THAP4: variants seen among roughly 807,000 people sequenced by gnomAD.
The protein encoded by THAP4 is THAP domain containing 4, also known as peroxynitrite isomerase THAP4.
A neutral mutation model predicts 48.1 loss-of-function variants in THAP4; 18 were observed. That is an observed-to-expected ratio of 0.37 (90% CI 0.26 to 0.56). The LOEUF (loss-of-function observed/expected upper bound fraction) is 0.56. THAP4 is among the 20% of genes least tolerant of loss of function. The pLI, the probability that THAP4 is intolerant of heterozygous loss-of-function variation, is 0.78. For synonymous variants in THAP4, 345 were observed against 324.9 expected (o/e 1.06, Z -0.66); for missense variants, 656 against 774.9 (o/e 0.85, Z 1.82).
intron 2 of THAP4, among the ~76,000 whole-genome samples, chr2:241,613,760 C>T (rs1167385405): frequency 6.6e-6 from 1 of 151,454 alleles, no homozygotes; most frequent in Non-Finnish European, 1.5e-5. Context: ...GTCTCAGAAA[C>T]AAAACAAAAA....
In THAP4 at chr2:241,637,052, G is replaced by T; in HGVS notation, c.-35C>A. 2.6e-6 allele frequency: 3 copies of T among 1,151,708 alleles called. No homozygotes were observed. The highest frequency in any genetic ancestry group is 3.2e-6 in the Non-Finnish European group (3 of 925,352). The allele number at this position is 1,151,708 out of a possible 1,614,324, so 71.3% of individuals were successfully genotyped here. ...TGGCCCAGCCGCGCAGCCAGGCCCC[G>T]GCCCTAGCCGCCCGCCCGCCCGCGG... On this transcript the variant is annotated 5_prime_UTR_variant, in exon 1 of 6. Coordinates refer to ENST00000407315, the MANE Select transcript of THAP4 (RefSeq NM_015963.6).
chr2:241,630,286 G>A (rs1024300479), intron 2 of THAP4, among the ~76,000 whole-genome samples: 4 of 152,172 alleles, frequency 2.6e-5, no homozygotes, highest in Non-Finnish European at 5.9e-5. Flanking sequence ...GAACAGCAGA[G>A]CCACAGCCTC....
At chr2:241,603,193 C>T (rs1413052314) in intron 3 of THAP4, 114 bp from the exon 4 acceptor site, 18 of 761,442 alleles carry the variant, frequency 2.4e-5, no homozygotes, top group Middle Eastern at 2.8e-4. Flanking sequence ...CAGCCACACC[C>T]GCACACCTGT....
chr2:241,637,466 C>T (rs868646923), upstream of THAP4: 58 of 1,460,878 alleles, frequency 4.0e-5, 2 homozygotes, highest in Middle Eastern at 7.7e-3. Flanking sequence ...ACACAGTGTC[C>T]CGTCGGACAG....
intron 5 of THAP4, among the ~76,000 whole-genome samples, chr2:241,585,389 TG>T (rs555226996): frequency 5.9e-5 from 5 of 85,086 alleles, no homozygotes; most frequent in Non-Finnish European, 1.2e-4. Flanking sequence ...CCCAGATGTG[TG>T]GGGGGTCATG....
In THAP4 at chr2:241,633,941, C is replaced by G. The variant is rs1187183123; in HGVS notation, c.216G>C (p.Gln72His). The G allele has an allele frequency of 1.2e-6, 2 of 1,614,148 alleles. No homozygotes were observed. ...CGGCCGTGGGCTTCAGCAGGCGATG[C>G]TGGTCCTCCAGCCTCTTGGAGAAGC... ...KDSFSKRLED[Q>H]HRLLKPTAVP... Residue 72 changes from glutamine (Q) to histidine (H), a missense_variant, in exon 2 of 6, where the codon CAG (glutamine) becomes CAC (histidine). Transcript: ENST00000407315. This position sits in a 1 kb window ranked among gnomAD's most constrained non-coding sequence, Gnocchi z 7.5.
At chr2:241,605,864 T>C (rs983234787) in intron 3 of THAP4, among the ~76,000 whole-genome samples, 5 of 151,990 alleles carry the variant, frequency 3.3e-5, no homozygotes, top group African/African-American at 1.2e-4. Context: ...ACTACAGGCA[T>C]GTGTCACCAC....
At chr2:241,627,808 G>A (rs1259638329) in intron 2 of THAP4, among the ~76,000 whole-genome samples, 1 of 152,092 alleles carries the variant, frequency 6.6e-6, no homozygotes, top group African/African-American at 2.4e-5. Flanking sequence ...TGCCACCCCT[G>A]TGCCCACACC....
chr2:241,633,131 G>C lies in THAP4; in HGVS notation c.1026C>G (p.Ile342Met). 6.2e-7 allele frequency: 1 copy of C among 1,612,166 alleles called. No individual in the cohort carries two copies. Among genetic ancestry groups the C allele is most frequent in the Non-Finnish European group, 8.5e-7 (1 of 1,178,976 alleles). The change falls in exon 2 of 6, where the codon ATC (isoleucine) becomes ATG (methionine). Residue 342 changes from isoleucine to methionine, a missense_variant. Coordinates refer to ENST00000407315, the MANE Select transcript of THAP4 (RefSeq NM_015963.6). The surrounding 1 kb of genome is among the most constrained non-coding windows in gnomAD (Gnocchi z 7.5). ...ILSASGACKL[I>M]DSLHSYCFSS... ...AGAAGCAGTAGGAGTGCAGTGAGTC[G>C]ATGAGCTTGCAGGCCCCTGACGCCG...
At chr2:241,619,229 A>G (rs1371121833) in intron 2 of THAP4, among the ~76,000 whole-genome samples, 1 of 152,014 alleles carries the variant, frequency 6.6e-6, no homozygotes, top group East Asian at 1.9e-4. Flanking sequence ...AAACAAGGAC[A>G]CTCGAGGAAT....
chr2:241,603,175 G>A, intron 3 of THAP4, 96 bp from the exon 4 acceptor site: 1 of 954,872 alleles, frequency 1.0e-6, no homozygotes. Flanking sequence ...CCCTCCAGGT[G>A]GCTGCTCCAG....
rs1384455063 is a variant in THAP4 at position 241,607,571 on chromosome 2, C to G, written c.1241-1098G>C. 5.3e-5 allele frequency among the ~76,000 whole-genome samples: 8 copies of G among 151,616 alleles called. No individual in the cohort carries two copies. In the South Asian group the frequency reaches 1.0e-3, roughly 20 times the overall value. ...AACGGACACTGACACCCAGGAGCAG[C>G]AGCAGGGACAGAAGCAGCTCTGTGG... On this transcript the variant is annotated intron_variant, in intron 2 of 5. Coordinates refer to ENST00000407315, the MANE Select transcript of THAP4 (RefSeq NM_015963.6).
At chr2:241,625,797 C>CAAAAAAAAAAAAAAAAAAA (rs147602587) in intron 2 of THAP4, among the ~76,000 whole-genome samples, 1 of 50,164 alleles carries the variant, frequency 2.0e-5, no homozygotes, top group African/African-American at 9.3e-5. Context: ...GACTCCGTCT[C>CAAAAAAAAAAAAAAAAAAA]AAAAAAAAAA....
chr2:241,612,586 G>C lies in THAP4; in HGVS notation c.1241-6113C>G, dbSNP rs542903421. Among the ~76,000 whole-genome samples the C allele has an allele frequency of 1.3e-5, 2 of 152,176 alleles. No homozygotes were observed. The highest frequency in any genetic ancestry group is 2.9e-5 in the Non-Finnish European group (2 of 68,034). On this transcript the variant is annotated intron_variant, in intron 2 of 5. Coordinates refer to ENST00000407315, the MANE Select transcript of THAP4 (RefSeq NM_015963.6). This position sits in a 1 kb window ranked among gnomAD's most constrained non-coding sequence, Gnocchi z 4.1. ...TATCCAGACAATGGAATGTTATTTG[G>C]CCATAAAAATGAAGCACTAATATAA...
At chr2:241,632,848 C>G in intron 2 of THAP4, 69 bp downstream of exon 2, 1 of 1,299,510 alleles carries the variant, frequency 7.7e-7, no homozygotes, top group South Asian at 1.5e-5. Context: ...TCAGGGGACG[C>G]TGGCCACCTT....
intron 3 of THAP4, among the ~76,000 whole-genome samples, chr2:241,603,974 CCT>C (rs947688737): frequency 2.6e-5 from 4 of 151,392 alleles, no homozygotes; most frequent in African/African-American, 4.9e-5. Context: ...CAACACAGAC[CCT>C]GTTTCTACAA....
chr2:241,609,573 G>A (rs914708282), intron 2 of THAP4, among the ~76,000 whole-genome samples: 1 of 152,152 alleles, frequency 6.6e-6, no homozygotes, highest in Non-Finnish European at 1.5e-5. Context: ...GATCACCTCA[G>A]GTCAGGAGTT....
At chr2:241,619,232 C>A (rs538803837) in intron 2 of THAP4, among the ~76,000 whole-genome samples, 1 of 152,202 alleles carries the variant, frequency 6.6e-6, no homozygotes, top group Non-Finnish European at 1.5e-5. Context: ...CAAGGACACT[C>A]GAGGAATTTT....
chr2:241,603,992 A>T (rs2067149255), intron 3 of THAP4, among the ~76,000 whole-genome samples: 1 of 152,062 alleles, frequency 6.6e-6, no homozygotes, highest in Non-Finnish European at 1.5e-5. Context: ...TACAAAAATA[A>T]AAACAAAAAA....
Sources: gnomAD v4.1 joint callset for allele counts (sites outside exome capture counted in the v4.1 genomes callset) on GRCh38, gnomAD v4.1.1 for gene constraint, Gnocchi (gnomAD v3.1) non-coding constraint, MANE v1.5 for transcripts, NCBI Gene and HGNC (gene_info 2026-07-23, HGNC 2026-07-21) for gene names.